Variants in AOAH observed in about 807,000 individuals in gnomAD.
AOAH encodes acyloxyacyl hydrolase.
In AOAH, 64 loss-of-function variants were observed where a neutral mutation model predicts 92.2. The ratio of observed to expected loss-of-function variants is 0.69; its 90% CI spans 0.57 to 0.86. The LOEUF (loss-of-function observed/expected upper bound fraction) is 0.86, where lower values mean the gene tolerates loss of function less well. Among genes scored for constraint, AOAH ranks in the 40% least tolerant of loss-of-function variants. The probability of loss-of-function intolerance (pLI) is 0.00; values close to 1 mark genes in which losing one functional copy is unlikely to be tolerated. For synonymous variants in AOAH, 263 were observed against 254.5 expected (o/e 1.03, Z -0.32); for missense variants, 656 against 694.6 (o/e 0.94, Z 0.62).
rs1797293193 is a variant in AOAH at position 36,690,078 on chromosome 7, C to A, written c.128-3284G>T. On this transcript the variant is annotated intron_variant, in intron 1 of 20. Transcript: ENST00000617537. ...AGCGAATGGGGCAGCTTGAAACCAG[C>A]CTGCTTCTTTGTACTTACACATATG... The A allele has an allele frequency of 2.7e-5, 11 of 401,588 alleles. 1 individual carries two copies. The highest frequency in any genetic ancestry group is 2.0e-4 in the South Asian group (11 of 54,294). 24.9% of individuals were successfully genotyped at this position (401,588 alleles called of 1,614,324 possible). A position where few individuals can be genotyped will look rare whatever the true frequency, so the allele number is the denominator to read the frequency against.
intron 6 of AOAH, among the ~76,000 whole-genome samples, chr7:36,630,514 A>G (rs1278084536): frequency 6.6e-6 from 1 of 152,240 alleles, no homozygotes; most frequent in Non-Finnish European, 1.5e-5. Flanking sequence ...CACCTGTACT[A>G]GAAGGCGAGC....
intron 13 of AOAH, among the ~76,000 whole-genome samples, chr7:36,574,725 A>T (rs950618597): frequency 2.6e-5 from 4 of 152,172 alleles, no homozygotes; most frequent in African/African-American, 9.7e-5. Flanking sequence ...AGTTTTTTAA[A>T]GGTTATTTCT....
Position 36,724,251 on chromosome 7 carries a change from T to G in AOAH, c.-103A>C, listed in dbSNP as rs1799837960. The G allele has an allele frequency of 2.2e-5, 30 of 1,394,236 alleles. No homozygotes were observed. In the Middle Eastern group the frequency reaches 7.5e-4, roughly 35 times the overall value. The allele number at this position is 1,394,236 out of a possible 1,614,324, so 86.4% of individuals were successfully genotyped here. A position where few individuals can be genotyped will look rare whatever the true frequency, so the allele number is the denominator to read the frequency against. ...ATCAATTGATCTCTCTCTCCTTCTC[T>G]TCCTCACTCTCTTTGACACACACAC... On this transcript the variant is annotated 5_prime_UTR_variant, in exon 1 of 21. Transcript: ENST00000617537.
At chr7:36,714,322 G>C (rs1160792972) in intron 1 of AOAH, among the ~76,000 whole-genome samples, 1 of 152,176 alleles carries the variant, frequency 6.6e-6, no homozygotes, top group Non-Finnish European at 1.5e-5. Flanking sequence ...AGCTGAAATT[G>C]AGGCAATAAT....
chr7:36,582,238 G>A (rs1226214739), intron 12 of AOAH, among the ~76,000 whole-genome samples: 1 of 152,162 alleles, frequency 6.6e-6, no homozygotes, highest in Non-Finnish European at 1.5e-5. Flanking sequence ...CCGGTCCAAT[G>A]TGCTAGGAGG....
At chr7:36,722,703 G>GA (rs1554329503) in intron 1 of AOAH, among the ~76,000 whole-genome samples, 1 of 114,794 alleles carries the variant, frequency 8.7e-6, no homozygotes, top group African/African-American at 5.7e-5. Flanking sequence ...TGGGAGCCAA[G>GA]GGGGGCGGAT....
chr7:36,589,826 C>T (rs1326578617), intron 12 of AOAH, among the ~76,000 whole-genome samples: 1 of 152,180 alleles, frequency 6.6e-6, no homozygotes, highest in African/African-American at 2.4e-5. Flanking sequence ...CATCTTTCTA[C>T]ATGTGGTATT....
At chr7:36,650,684 A>G (rs1194674165) in intron 4 of AOAH, among the ~76,000 whole-genome samples, 1 of 152,244 alleles carries the variant, frequency 6.6e-6, no homozygotes, top group Non-Finnish European at 1.5e-5. Flanking sequence ...GAACTCTCAT[A>G]TAGTCCACTG....
intron 11 of AOAH, among the ~76,000 whole-genome samples, chr7:36,609,820 G>A (rs1016070294): frequency 3.3e-5 from 5 of 151,996 alleles, no homozygotes; most frequent in East Asian, 1.9e-4. Flanking sequence ...CGATCACAGG[G>A]CTTGGCACAT....
chr7:36,714,454 G>A lies in AOAH; in HGVS notation c.127+9568C>T, dbSNP rs549566464. Among the ~76,000 whole-genome samples the A allele has an allele frequency of 3.9e-5, 6 of 152,218 alleles. No homozygotes were observed. In the South Asian group the frequency reaches 1.2e-3, roughly 32 times the overall value. ...ACTATTCCAATCAATAGAAAAAGAG[G>A]GAATCCTCCCTAACTCATTTTATGA... On this transcript the variant is annotated intron_variant, in intron 1 of 20. Transcript: ENST00000617537.
intron 2 of AOAH, among the ~76,000 whole-genome samples, chr7:36,683,954 A>G (rs1386812342): frequency 6.6e-6 from 1 of 152,022 alleles, no homozygotes; most frequent in Non-Finnish European, 1.5e-5. Flanking sequence ...AGATGGAGCC[A>G]CTGCACTCCA....
Position 36,659,163 on chromosome 7 carries a change from C to T in AOAH, c.390+3G>A. ...CAGATGTTCAGAGTGATTACACACTCACCTTGGGAAGAGGGTAGAGATGAC... is the reference window on the plus strand; with the variant it reads ...CAGATGTTCAGAGTGATTACACACTTACCTTGGGAAGAGGGTAGAGATGAC... On this transcript the variant is annotated splice_donor_region_variant and intron_variant, in intron 4 of 20. Transcript: ENST00000617537. 1 of 1,610,950 alleles carries T rather than the reference C, an allele frequency of 6.2e-7. No individual in the cohort carries two copies. Among genetic ancestry groups the T allele is most frequent in the South Asian group, 1.1e-5 (1 of 91,020 alleles).
chr7:36,564,810 A>G (rs1299523996), intron 13 of AOAH, among the ~76,000 whole-genome samples: 2 of 152,242 alleles, frequency 1.3e-5, no homozygotes, highest in African/African-American at 2.4e-5. Flanking sequence ...TCACATTACA[A>G]TCACTGTCAT....
intron 4 of AOAH, among the ~76,000 whole-genome samples, chr7:36,651,952 A>G (rs980125607): frequency 6.6e-6 from 1 of 152,208 alleles, no homozygotes; most frequent in East Asian, 1.9e-4. Flanking sequence ...TGGGTTGTAT[A>G]CACATATACT....
Position 36,513,202 on chromosome 7 carries a change from C to A in AOAH, c.*50G>T. The A allele has an allele frequency of 6.2e-7, 1 of 1,614,060 alleles. No individual in the cohort carries two copies. The highest frequency in any genetic ancestry group is 8.5e-7 in the Non-Finnish European group (1 of 1,180,006). On this transcript the variant is annotated 3_prime_UTR_variant, in exon 21 of 21. Coordinates refer to ENST00000617537, the MANE Select transcript of AOAH (RefSeq NM_001637.4). Reference sequence around the variant, plus strand: ...CATAGGGTTTGTGGAATGAGTTTACCCAAGCCTCTGCCTCCCTGTGCTCCC... The same window carrying A: ...CATAGGGTTTGTGGAATGAGTTTACACAAGCCTCTGCCTCCCTGTGCTCCC...
At position 36,530,362 on chromosome 7, in the gene AOAH, G is replaced by A. The variant is rs925751263; in HGVS notation, c.1522+56C>T. On this transcript the variant is annotated intron_variant, in intron 19 of 20. Transcript: ENST00000617537. Reference sequence around the variant, plus strand: ...TAAAAGTATAAAACCAGTTGCCCAGGCCCTAAACTAGCTGCTGCTTTCATC... The same window carrying A: ...TAAAAGTATAAAACCAGTTGCCCAGACCCTAAACTAGCTGCTGCTTTCATC... The A allele has an allele frequency of 9.4e-6, 12 of 1,276,348 alleles. No homozygotes were observed. In the East Asian group the frequency reaches 2.5e-4, roughly 27 times the overall value. The allele number at this position is 1,276,348 out of a possible 1,614,324, so 79.1% of individuals were successfully genotyped here.
intron 11 of AOAH, among the ~76,000 whole-genome samples, chr7:36,610,698 T>G (rs1249245424): frequency 1.3e-5 from 2 of 152,228 alleles, no homozygotes; most frequent in Non-Finnish European, 2.9e-5. Context: ...GCGTATGCAC[T>G]CTCTTCCTTC....
At chr7:36,629,831 C>CTTTG (rs1792945427) in intron 6 of AOAH, among the ~76,000 whole-genome samples, 1 of 152,114 alleles carries the variant, frequency 6.6e-6, no homozygotes, top group Non-Finnish European at 1.5e-5. Flanking sequence ...GGAAAAGTGT[C>CTTTG]TTTGTTAGGG....
chr7:36,532,857 T>C (rs965371433), intron 16 of AOAH, among the ~76,000 whole-genome samples: 9 of 152,150 alleles, frequency 5.9e-5, no homozygotes, highest in African/African-American at 1.9e-4. Context: ...TCTGAGTATC[T>C]GAAGCTCTGA....
Sources: gnomAD v4.1 joint callset for allele counts (sites outside exome capture counted in the v4.1 genomes callset) on GRCh38, gnomAD v4.1.1 for gene constraint, MANE v1.5 for transcripts, NCBI Gene and HGNC (gene_info 2026-07-23, HGNC 2026-07-21) for gene names.